PCCA: variants seen among roughly 807,000 people sequenced by gnomAD.
The protein encoded by PCCA is propionyl-CoA carboxylase subunit alpha.
A neutral mutation model predicts 101.3 loss-of-function variants in PCCA; 74 were observed. The ratio of observed to expected loss-of-function variants is 0.73; its 90% CI spans 0.61 to 0.89. The LOEUF (loss-of-function observed/expected upper bound fraction) is 0.89. Among genes scored for constraint, PCCA ranks in the 40% least tolerant of loss-of-function variants. The pLI is 0.00. For synonymous variants in PCCA, 294 were observed against 313.6 expected (o/e 0.94, Z 0.66); for missense variants, 891 against 907.0 (o/e 0.98, Z 0.23).
chr13:100,140,746 G>A (rs1451299589), intron 4 of PCCA, among the ~76,000 whole-genome samples: 1 of 152,116 alleles, frequency 6.6e-6, no homozygotes, highest in Non-Finnish European at 1.5e-5. Flanking sequence ...GGATAGTTGG[G>A]GTGGAGCATG....
intron 19 of PCCA, among the ~76,000 whole-genome samples, chr13:100,419,303 C>G (rs995686743): frequency 6.6e-6 from 1 of 151,914 alleles, no homozygotes; most frequent in Non-Finnish European, 1.5e-5. Flanking sequence ...GAAACCCCAT[C>G]TCTACTAAAA....
intron 6 of PCCA, among the ~76,000 whole-genome samples, chr13:100,199,150 C>T (rs1034785836): frequency 2.0e-5 from 3 of 151,964 alleles, no homozygotes; most frequent in Admixed American, 1.3e-4. Context: ...TATTATAGGG[C>T]GAACTATTTT....
intron 12 of PCCA, among the ~76,000 whole-genome samples, chr13:100,291,767 T>C (rs952819324): frequency 1.3e-5 from 2 of 152,238 alleles, no homozygotes; most frequent in African/African-American, 4.8e-5. Context: ...CTAATTTTTA[T>C]TGACTACTTG....
intron 6 of PCCA, 75 bp from the exon 7 acceptor site, chr13:100,209,257 C>T: frequency 7.6e-7 from 1 of 1,320,652 alleles, no homozygotes; most frequent in South Asian, 1.2e-5. Flanking sequence ...ATGGGCTTTT[C>T]TTTTATAAAA....
At chr13:100,120,534 C>CT (rs1225413675) in intron 4 of PCCA, among the ~76,000 whole-genome samples, 2 of 152,114 alleles carry the variant, frequency 1.3e-5, no homozygotes, top group Non-Finnish European at 2.9e-5. Context: ...CCCTTAATTT[C>CT]TTTGAGAAAT....
chr13:100,130,520 G>A (rs2050397715), intron 4 of PCCA, among the ~76,000 whole-genome samples: 1 of 152,036 alleles, frequency 6.6e-6, no homozygotes, highest in Admixed American at 6.6e-5. Flanking sequence ...CTCTCGAGGT[G>A]TGGGGACAGG....
chr13:100,196,160 AGTTT>A (rs1413077382), intron 6 of PCCA, among the ~76,000 whole-genome samples: 1 of 152,190 alleles, frequency 6.6e-6, no homozygotes, highest in Non-Finnish European at 1.5e-5. Flanking sequence ...TGAGATTTAT[AGTTT>A]GTTTGTTGAA....
chr13:100,207,416 C>A (rs548885298), intron 6 of PCCA, among the ~76,000 whole-genome samples: 1 of 152,024 alleles, frequency 6.6e-6, no homozygotes, highest in Non-Finnish European at 1.5e-5. Flanking sequence ...GAGTCTCGCT[C>A]TGTCGCCAGG....
intron 21 of PCCA, among the ~76,000 whole-genome samples, chr13:100,461,561 T>TA (rs1323748258): frequency 6.6e-6 from 1 of 152,238 alleles, no homozygotes; most frequent in Admixed American, 6.5e-5. Context: ...CCGTATCTCA[T>TA]AATTCCATAA....
chr13:100,385,678 A>C (rs2076461650), intron 19 of PCCA, among the ~76,000 whole-genome samples: 3 of 152,148 alleles, frequency 2.0e-5, no homozygotes, highest in African/African-American at 7.2e-5. Context: ...GCCGGAGTGC[A>C]GTGGCATGAT....
At chr13:100,139,077 C>A (rs1367105987) in intron 4 of PCCA, among the ~76,000 whole-genome samples, 1 of 151,752 alleles carries the variant, frequency 6.6e-6, no homozygotes, top group East Asian at 1.9e-4. Context: ...TCACTTCCTT[C>A]TGGTCTTTGT....
chr13:100,113,977 C>T (rs2048562063), intron 4 of PCCA, among the ~76,000 whole-genome samples: 1 of 152,100 alleles, frequency 6.6e-6, no homozygotes, highest in Non-Finnish European at 1.5e-5. Flanking sequence ...AAGCTTTTTT[C>T]TGTTTTTAAA....
intron 10 of PCCA, among the ~76,000 whole-genome samples, chr13:100,266,093 A>G (rs2062917614): frequency 6.6e-6 from 1 of 152,212 alleles, no homozygotes; most frequent in African/African-American, 2.4e-5. Context: ...TAGGGGCAGA[A>G]TTAATTTTGT....
At chr13:100,134,408 T>C (rs1356506146) in intron 4 of PCCA, among the ~76,000 whole-genome samples, 2 of 152,220 alleles carry the variant, frequency 1.3e-5, no homozygotes, top group South Asian at 2.1e-4. Flanking sequence ...CAGCTTATGT[T>C]TATGTACACA....
intron 4 of PCCA, among the ~76,000 whole-genome samples, chr13:100,121,636 G>A (rs1282710429): frequency 1.3e-5 from 2 of 151,516 alleles, no homozygotes; most frequent in Admixed American, 6.6e-5. Flanking sequence ...CACCACACCC[G>A]GCTAATTTTT....
At chr13:100,445,295 G>A (rs2080743725) in intron 20 of PCCA, among the ~76,000 whole-genome samples, 1 of 152,196 alleles carries the variant, frequency 6.6e-6, no homozygotes, top group South Asian at 2.1e-4. Context: ...ATGAGGTTTG[G>A]AGGAGATAAA....
chr13:100,248,447 C>G (rs1342211587), intron 8 of PCCA, among the ~76,000 whole-genome samples: 2 of 152,158 alleles, frequency 1.3e-5, no homozygotes, highest in Non-Finnish European at 2.9e-5. Flanking sequence ...TGTCCTTCAT[C>G]TTTGGCAACA....
intron 19 of PCCA, among the ~76,000 whole-genome samples, chr13:100,410,155 C>G (rs1352280508): frequency 6.6e-6 from 1 of 152,216 alleles, no homozygotes. Flanking sequence ...TTCTTTGGTA[C>G]AAAACGTGAC....
intron 5 of PCCA, among the ~76,000 whole-genome samples, chr13:100,155,875 A>G (rs1490164909): frequency 6.6e-6 from 1 of 152,220 alleles, no homozygotes; most frequent in Non-Finnish European, 1.5e-5. Context: ...TCGTGAACCC[A>G]TATTATAGAT....
Sources: gnomAD v4.1 joint callset for allele counts (sites outside exome capture counted in the v4.1 genomes callset) on GRCh38, gnomAD v4.1.1 for gene constraint, MANE v1.5 for transcripts, NCBI Gene and HGNC (gene_info 2026-07-23, HGNC 2026-07-21) for gene names.